The following ASB3 variants were observed in gnomAD, a reference collection of about 807,000 sequenced individuals.
ASB3 encodes ankyrin repeat and SOCS box protein 3.
A neutral mutation model predicts 54.5 loss-of-function variants in ASB3; 41 were observed. The observed-to-expected ratio is 0.75, with a 90% CI of 0.59 to 0.98. The LOEUF (loss-of-function observed/expected upper bound fraction) is 0.98. Among genes scored for constraint, ASB3 ranks in the 50% least tolerant of loss-of-function variants. The pLI, the probability that ASB3 is intolerant of heterozygous loss-of-function variation, is 0.00. For synonymous variants in ASB3, 266 were observed against 221.2 expected, an observed-to-expected ratio of 1.20 and a Z score of -1.80; for missense variants, 733 against 620.0, an observed-to-expected ratio of 1.18 and a Z score of -1.94.
At chr2:53,682,306 C>T (rs183209552) in intron 9 of ASB3, among the ~76,000 whole-genome samples, 68 of 152,210 alleles carry the variant, frequency 4.5e-4, no homozygotes, top group Middle Eastern at 3.4e-3. Context: ...TCAATGAACA[C>T]AGAATGTATT....
At chr2:53,737,469 G>C (rs769108294) in intron 3 of ASB3, among the ~76,000 whole-genome samples, 3 of 152,128 alleles carry the variant, frequency 2.0e-5, no homozygotes, top group Non-Finnish European at 2.9e-5. Flanking sequence ...AAGGGTCCTT[G>C]GTTCAAGCGT....
At chr2:53,732,231 G>A (rs957828432) in intron 3 of ASB3, among the ~76,000 whole-genome samples, 3 of 152,030 alleles carry the variant, frequency 2.0e-5, no homozygotes, top group African/African-American at 7.3e-5. Context: ...AAAGTGCTGG[G>A]ATTATAGGCA....
At chr2:53,722,121 GA>G (rs1204637119) in intron 5 of ASB3, among the ~76,000 whole-genome samples, 1 of 150,412 alleles carries the variant, frequency 6.6e-6, no homozygotes, top group Non-Finnish European at 1.5e-5. Flanking sequence ...TCTCAAGACT[GA>G]ATCAGAAAGA....
chr2:53,713,551 T>G (rs370629211), intron 7 of ASB3, among the ~76,000 whole-genome samples: 2 of 152,210 alleles, frequency 1.3e-5, no homozygotes, highest in East Asian at 3.8e-4. Context: ...TTTCACAGAA[T>G]TATGACAGAT....
chr2:53,743,370 C>T (rs1166771617), intron 3 of ASB3, among the ~76,000 whole-genome samples: 1 of 151,940 alleles, frequency 6.6e-6, no homozygotes, highest in Non-Finnish European at 1.5e-5. Context: ...TGTTAAAGGA[C>T]TGTGTTAAAG....
intron 3 of ASB3, among the ~76,000 whole-genome samples, chr2:53,739,091 A>G (rs1671795744): frequency 2.0e-5 from 3 of 152,246 alleles, no homozygotes; most frequent in Admixed American, 2.0e-4. Flanking sequence ...GCATGAGAAC[A>G]TATCCTGCAA....
intron 8 of ASB3, 40 bp downstream of exon 8, chr2:53,700,231 A>G (rs766461194): frequency 6.3e-7 from 1 of 1,583,066 alleles, no homozygotes; most frequent in South Asian, 1.2e-5. Context: ...TAGTATATTC[A>G]CTCAAAAAGG....
chr2:53,706,455 T>G (rs144532219), intron 7 of ASB3, among the ~76,000 whole-genome samples: 15 of 152,240 alleles, frequency 9.9e-5, no homozygotes, highest in African/African-American at 2.9e-4. Context: ...TTCTTTTTTT[T>G]TTTGTTTTTT....
intron 5 of ASB3, among the ~76,000 whole-genome samples, chr2:53,720,688 T>TA (rs1173148625): frequency 6.6e-6 from 1 of 152,018 alleles, no homozygotes; most frequent in African/African-American, 2.4e-5. Flanking sequence ...GGCAGAAAAT[T>TA]AAAAAACAAA....
chr2:53,731,206 C>T (rs775773012), intron 3 of ASB3, among the ~76,000 whole-genome samples: 1 of 152,152 alleles, frequency 6.6e-6, no homozygotes, highest in Admixed American at 6.5e-5. Flanking sequence ...TCGAGACCAT[C>T]CTGGCTAACA....
intron 2 of ASB3, among the ~76,000 whole-genome samples, chr2:53,751,967 T>C (rs908253481): frequency 6.6e-5 from 10 of 152,318 alleles, no homozygotes; most frequent in South Asian, 4.1e-4. Context: ...AAGTAGTTTA[T>C]TGAGATTAGT....
At chr2:53,778,860 A>C (rs1305967952) in intron 1 of ASB3, among the ~76,000 whole-genome samples, 1 of 152,224 alleles carries the variant, frequency 6.6e-6, no homozygotes, top group Non-Finnish European at 1.5e-5. Flanking sequence ...GAGTGCAGAT[A>C]TCTCTTCAAC....
intron 8 of ASB3, among the ~76,000 whole-genome samples, chr2:53,699,779 C>T (rs952397632): frequency 2.0e-5 from 3 of 152,156 alleles, no homozygotes; most frequent in Non-Finnish European, 1.5e-5. Context: ...TATAATCTCT[C>T]ACTGAGGGTT....
At chr2:53,774,485 AG>A (rs1273112677) in intron 1 of ASB3, 1 of 1,580,276 alleles carries the variant, frequency 6.3e-7, no homozygotes, top group Non-Finnish European at 8.6e-7. Context: ...AAATTAGTAA[AG>A]GAACGTTTAG....
chr2:53,716,734 A>G lies in ASB3; in HGVS notation c.614T>C (p.Val205Ala), dbSNP rs1670414691. The G allele has an allele frequency of 1.2e-6, 2 of 1,612,328 alleles. No homozygotes were observed. The highest frequency in any genetic ancestry group is 1.7e-6 in the Non-Finnish European group (2 of 1,178,872). Residue 205 changes from valine (V) to alanine (A), a missense_variant, in exon 6 of 10, where the codon GTC (valine) becomes GCC (alanine). Val to Ala is a moderately conservative substitution (Grantham distance 64). Coordinates refer to ENST00000263634, the MANE Select transcript of ASB3 (RefSeq NM_016115.5). The stretch of plus-strand genomic sequence containing the variant: ...AGCTTTGTCCAAGGCTTGACAATTG[A>G]CATTTGCACCTAAGGGTACAAAATA... Reference protein sequence around the residue: ...LSILISSGANVNCQALDKATP... With the variant: ...LSILISSGANANCQALDKATP...
intron 2 of ASB3, among the ~76,000 whole-genome samples, chr2:53,760,020 G>A (rs950342045): frequency 4.6e-5 from 7 of 152,166 alleles, no homozygotes; most frequent in Admixed American, 3.3e-4. Context: ...CACTATCTGA[G>A]GGGATCCTAG....
chr2:53,676,869 A>G (rs1668107928), intron 9 of ASB3, among the ~76,000 whole-genome samples: 1 of 152,168 alleles, frequency 6.6e-6, no homozygotes, highest in Non-Finnish European at 1.5e-5. Context: ...CCCAGGTTCA[A>G]GCAATTCTCC....
chr2:53,670,261 C>A lies in ASB3; in HGVS notation c.*242G>T. Reference sequence around the variant, plus strand: ...AACATATAATGTACTGGTGATGAAGCTGCAATAAAGTAATATAAGTGATGT... The same window carrying A: ...AACATATAATGTACTGGTGATGAAGATGCAATAAAGTAATATAAGTGATGT... On this transcript the variant is annotated 3_prime_UTR_variant, in exon 10 of 10. Coordinates refer to ENST00000263634, the MANE Select transcript of ASB3 (RefSeq NM_016115.5). 1 of 359,594 alleles carries A rather than the reference C, an allele frequency of 2.8e-6. No individual in the cohort carries two copies. Among genetic ancestry groups the A allele is most frequent in the Non-Finnish European group, 4.9e-6 (1 of 205,788 alleles). 22.3% of individuals were successfully genotyped at this position (359,594 alleles called of 1,614,324 possible). A position where few individuals can be genotyped will look rare whatever the true frequency, so the allele number is the denominator to read the frequency against.
chr2:53,777,216 G>C (rs1310323840), intron 1 of ASB3, among the ~76,000 whole-genome samples: 1 of 152,052 alleles, frequency 6.6e-6, no homozygotes, highest in Non-Finnish European at 1.5e-5. Context: ...TAACTACACA[G>C]TGCTTCACTT....
Sources: allele counts gnomAD v4.1 joint callset (sites outside exome capture counted in the v4.1 genomes callset), GRCh38; gene constraint gnomAD v4.1.1; transcripts MANE v1.5; gene names NCBI Gene and HGNC (gene_info 2026-07-23, HGNC 2026-07-21).